Variants in P2RY6 observed in about 807,000 individuals in gnomAD.
P2RY6 encodes the protein P2Y purinoceptor 6.
In P2RY6, 19 loss-of-function variants were observed where a neutral mutation model predicts 16.3. The ratio of observed to expected loss-of-function variants is 1.16; its 90% confidence interval spans 0.81 to 1.71. The LOEUF (loss-of-function observed/expected upper bound fraction) is 1.71, where lower values mean the gene tolerates loss of function less well. Among genes scored for constraint, P2RY6 ranks in the 40% most tolerant of loss-of-function variants. The pLI, the probability that P2RY6 is intolerant of heterozygous loss-of-function variation, is 0.00. For synonymous variants in P2RY6, 184 were observed against 201.5 expected (o/e 0.91, Z 0.74); for missense variants, 389 against 455.5 (o/e 0.85, Z 1.33).
intron 1 of P2RY6, among the ~76,000 whole-genome samples, chr11:73,288,478 C>T (rs573436432): frequency 2.0e-5 from 3 of 152,362 alleles, no homozygotes; most frequent in Admixed American, 6.5e-5. Context: ...CTGCCTTCCA[C>T]GTTCCCTTCT....
At chr11:73,294,626 T>A (rs61153816) in intron 1 of P2RY6, among the ~76,000 whole-genome samples, 3,242 of 152,328 alleles carry the variant, frequency 0.021, 130 homozygotes, top group African/African-American at 0.074. Context: ...TGACATGGGA[T>A]GTGGGCTGCA....
intron 1 of P2RY6, among the ~76,000 whole-genome samples, chr11:73,266,148 A>C (rs1337993779): frequency 6.6e-6 from 1 of 152,142 alleles, no homozygotes; most frequent in Non-Finnish European, 1.5e-5. Flanking sequence ...GAGAGTCCCT[A>C]TTTGAGTATC....
chr11:73,290,337 AAGAAAG>A (rs1864175466), intron 1 of P2RY6, among the ~76,000 whole-genome samples: 1 of 151,308 alleles, frequency 6.6e-6, no homozygotes, highest in South Asian at 2.1e-4. Flanking sequence ...GAAAGAAAGA[AAGAAAG>A]AAAGAAAGAA....
chr11:73,291,876 A>G (rs1864264948), intron 1 of P2RY6, among the ~76,000 whole-genome samples: 1 of 152,194 alleles, frequency 6.6e-6, no homozygotes, highest in South Asian at 2.1e-4. Context: ...AGGTGGAGTA[A>G]GAACCTGGGC....
At chr11:73,278,444 A>G (rs4432047) in intron 1 of P2RY6, among the ~76,000 whole-genome samples, 20,126 of 152,176 alleles carry the variant, frequency 0.13, 1,396 homozygotes, top group Non-Finnish European at 0.16. Flanking sequence ...GATTACAGGC[A>G]TGAGCCACCG....
In P2RY6 at chr11:73,297,207, C is replaced by T; in HGVS notation, c.689C>T (p.Ala230Val). The T allele has an allele frequency of 6.2e-7, 1 of 1,603,464 alleles. No individual in the cohort carries two copies. Among genetic ancestry groups the T allele is most frequent in the Non-Finnish European group, 8.5e-7 (1 of 1,179,496 alleles). ...CAGGATGGCCCGGCAGAGCCTGTGG[C>T]CCAGGAGCGGCGTGGCAAGGCGGCC... ...CRQDGPAEPVAQERRGKAARM... is the reference protein window; with the variant it reads ...CRQDGPAEPVVQERRGKAARM... Residue 230 changes from alanine (A) to valine (V), a missense_variant, in exon 3 of 3, where the codon GCC (alanine) becomes GTC (valine). Coordinates refer to ENST00000540124, the MANE Select transcript of P2RY6 (RefSeq NM_001277204.2).
At chr11:73,276,054 C>T (rs1038645479) in intron 1 of P2RY6, among the ~76,000 whole-genome samples, 4 of 152,192 alleles carry the variant, frequency 2.6e-5, no homozygotes, top group Admixed American at 6.5e-5. Flanking sequence ...TCTCCCACTC[C>T]GTGGGGTACT....
intron 2 of P2RY6, among the ~76,000 whole-genome samples, chr11:73,296,106 G>A (rs1487337932): frequency 6.6e-6 from 1 of 151,756 alleles, no homozygotes; most frequent in African/African-American, 2.4e-5. Flanking sequence ...AGGTCATATA[G>A]CAAATGCATA....
upstream of P2RY6, among the ~76,000 whole-genome samples, chr11:73,270,714 C>G (rs543781504): frequency 2.0e-5 from 3 of 152,160 alleles, no homozygotes; most frequent in African/African-American, 7.2e-5. Context: ...GCGTTGGTGG[C>G]CCTGAGTTGC....
upstream of P2RY6, chr11:73,270,144 C>T (rs1203609225): frequency 6.6e-6 from 1 of 152,146 alleles, no homozygotes; most frequent in Non-Finnish European, 1.5e-5. Context: ...TTCTTCATGA[C>T]ACTCCTGATA....
chr11:73,282,281 G>A (rs940125732), intron 1 of P2RY6, among the ~76,000 whole-genome samples: 2 of 152,158 alleles, frequency 1.3e-5, no homozygotes, highest in African/African-American at 4.8e-5. Context: ...CCAACTAGCA[G>A]CCCAAGGGAC....
At chr11:73,291,576 A>T (rs1010727134) in intron 1 of P2RY6, among the ~76,000 whole-genome samples, 1 of 152,228 alleles carries the variant, frequency 6.6e-6, no homozygotes, top group East Asian at 1.9e-4. Context: ...AGTGTTTACC[A>T]GAAGTTCAAA....
At chr11:73,278,344 G>C (rs1863626632) in intron 1 of P2RY6, among the ~76,000 whole-genome samples, 1 of 152,042 alleles carries the variant, frequency 6.6e-6, no homozygotes, top group Admixed American at 6.6e-5. Flanking sequence ...ATTTTTAGTA[G>C]AGACGGAGTT....
rs931522836 is a variant in P2RY6, at chr11:73,297,755, G to C, written c.*250G>C. On this transcript the variant is annotated 3_prime_UTR_variant, in exon 3 of 3. Coordinates refer to ENST00000540124, the MANE Select transcript of P2RY6 (RefSeq NM_001277204.2). ...GGTCCCAGTCAGCCATGGAGAGCTG[G>C]GGAAACCACATTAAGGTGCTCACAA... 3 of 551,606 alleles carry C rather than the reference G, an allele frequency of 5.4e-6. No individual in the cohort carries two copies. The highest frequency in any genetic ancestry group is 6.6e-6 in the Non-Finnish European group (2 of 301,558). 34.2% of individuals were successfully genotyped at this position (551,606 alleles called of 1,614,324 possible).
Position 73,297,368 on chromosome 11 carries a change from A to G in P2RY6, c.850A>G (p.Lys284Glu). 1 of 1,612,336 alleles carries G rather than the reference A, an allele frequency of 6.2e-7. No homozygotes were observed. Among genetic ancestry groups the G allele is most frequent in the South Asian group, 1.1e-5 (1 of 91,092 alleles). ...TVLEAFAAAY[K>E]GTRPFASANS... ...ATTGGAGGCCTTTGCAGCGGCCTAC[A>G]AAGGCACGCGGCCGTTTGCCAGTGC... The change falls in exon 3 of 3, where the codon AAA (lysine) becomes GAA (glutamate). Residue 284 changes from lysine to glutamate, a missense_variant. By Grantham distance (56) the Lys-to-Glu change is moderately conservative. Coordinates refer to ENST00000540124, the MANE Select transcript of P2RY6 (RefSeq NM_001277204.2).
intron 1 of P2RY6, among the ~76,000 whole-genome samples, chr11:73,295,411 C>T (rs1160935398): frequency 6.6e-6 from 1 of 152,212 alleles, no homozygotes; most frequent in East Asian, 1.9e-4. Context: ...TGAAGTTGGT[C>T]ATGTAACCTC....
At chr11:73,265,270 TG>T (rs1405627126) in intron 1 of P2RY6, 4 of 152,184 alleles carry the variant, frequency 2.6e-5, no homozygotes, top group African/African-American at 7.2e-5. Context: ...CGGATCTGGG[TG>T]GAGAAAGTAT....
intron 1 of P2RY6, among the ~76,000 whole-genome samples, chr11:73,266,192 C>G (rs1033004786): frequency 1.3e-5 from 2 of 152,170 alleles, no homozygotes; most frequent in African/African-American, 4.8e-5. Flanking sequence ...CAGACTGAAT[C>G]CTTGTTGAAT....
chr11:73,283,081 G>A (rs1221402319), intron 1 of P2RY6, among the ~76,000 whole-genome samples: 1 of 152,168 alleles, frequency 6.6e-6, no homozygotes, highest in African/African-American at 2.4e-5. Context: ...GAACAGTGAT[G>A]GGTGACAGAG....
Sources: allele counts gnomAD v4.1 joint callset (sites outside exome capture counted in the v4.1 genomes callset), GRCh38; gene constraint gnomAD v4.1.1; transcripts MANE v1.5; gene names NCBI Gene and HGNC (gene_info 2026-07-23, HGNC 2026-07-21).